ZNF254: variants seen among roughly 807,000 people sequenced by gnomAD.
ZNF254 encodes the protein zinc finger protein 254, also known as CTD-2017D11.1.
A neutral mutation model predicts 12.4 loss-of-function variants in ZNF254; 10 were observed. The ratio of observed to expected loss-of-function variants is 0.80; its 90% confidence interval spans 0.50 to 1.36. The LOEUF (loss-of-function observed/expected upper bound fraction) is 1.36. Ranked by LOEUF, ZNF254 falls within the 40% of genes most tolerant of loss-of-function variation. ZNF254 has a pLI of 0.00. For synonymous variants in ZNF254, 305 were observed against 253.4 expected (o/e 1.20, Z -1.93); for missense variants, 996 against 763.9 (o/e 1.30, Z -3.58).
intron 2 of ZNF254, among the ~76,000 whole-genome samples, chr19:24,063,553 A>G (rs552245869): frequency 8.5e-5 from 13 of 152,298 alleles, no homozygotes; most frequent in Middle Eastern, 3.4e-3. Context: ...TCCAACGACC[A>G]GGTGATGTAA....
chr19:24,068,305 CTT>C (rs932190326), intron 2 of ZNF254, among the ~76,000 whole-genome samples: 8 of 143,464 alleles, frequency 5.6e-5, no homozygotes, highest in Non-Finnish European at 9.2e-5. Context: ...CCTATCTAGC[CTT>C]TTTTTTTTTT....
intron 2 of ZNF254, among the ~76,000 whole-genome samples, chr19:24,056,789 T>G (rs1038953485): frequency 6.6e-6 from 1 of 152,326 alleles, no homozygotes; most frequent in East Asian, 1.9e-4. Context: ...GTGATGTGAC[T>G]GTACTGTCTG....
At chr19:24,060,029 G>A (rs1487826515) in intron 2 of ZNF254, among the ~76,000 whole-genome samples, 1 of 152,170 alleles carries the variant, frequency 6.6e-6, no homozygotes, top group South Asian at 2.1e-4. Flanking sequence ...ATTAGAAAAT[G>A]TTTCTCTCCT....
chr19:24,091,315 G>GAA (rs56971141), intron 1 of ZNF254, among the ~76,000 whole-genome samples: 180 of 128,746 alleles, frequency 1.4e-3, no homozygotes, highest in East Asian at 5.7e-3. Flanking sequence ...AAAAAATAAA[G>GAA]AAAAAAAAAA....
chr19:24,085,426 A>AC (rs369443689), upstream of ZNF254, among the ~76,000 whole-genome samples: 1 of 105,668 alleles, frequency 9.5e-6, no homozygotes, highest in Non-Finnish European at 1.9e-5. Context: ...ATATATATAT[A>AC]AAAACTAAGA....
At chr19:24,085,940 C>T (rs138598183), upstream of ZNF254, among the ~76,000 whole-genome samples, 1 of 152,094 alleles carries the variant, frequency 6.6e-6, no homozygotes. Context: ...GGCACGATGG[C>T]TCACGCCTGT....
chr19:24,045,029 A>G (rs1970326223), intron 1 of ZNF254, among the ~76,000 whole-genome samples: 1 of 152,118 alleles, frequency 6.6e-6, no homozygotes, highest in South Asian at 2.1e-4. Context: ...TTTTAACCTG[A>G]TTGTCTCTCT....
chr19:24,113,440 G>C (rs1973829924), intron 3 of ZNF254, among the ~76,000 whole-genome samples: 1 of 152,102 alleles, frequency 6.6e-6, no homozygotes, highest in Non-Finnish European at 1.5e-5. Flanking sequence ...AAAACCACAT[G>C]ATTATATAAT....
intron 2 of ZNF254, among the ~76,000 whole-genome samples, chr19:24,060,855 G>A (rs535757782): frequency 6.6e-6 from 1 of 152,198 alleles, no homozygotes; most frequent in South Asian, 2.1e-4. Flanking sequence ...GTGTCATATA[G>A]CTTTACTCAG....
At chr19:24,051,004 G>A (rs1392280677) in intron 2 of ZNF254, among the ~76,000 whole-genome samples, 1 of 151,354 alleles carries the variant, frequency 6.6e-6, no homozygotes, top group African/African-American at 2.4e-5. Context: ...ACCTAGCTTC[G>A]ATATGACTGT....
intron 1 of ZNF254, among the ~76,000 whole-genome samples, chr19:24,089,080 G>T (rs980204216): frequency 6.9e-6 from 1 of 145,362 alleles, no homozygotes; most frequent in Non-Finnish European, 1.5e-5. Context: ...AGGTTTAAGC[G>T]ATTCTCCTGC....
chr19:24,105,045 T>A (rs1259295776), intron 1 of ZNF254: 2 of 152,254 alleles, frequency 1.3e-5, no homozygotes, highest in Non-Finnish European at 2.9e-5. Flanking sequence ...ATTCAGACTG[T>A]AATTTAGTGG....
chr19:24,127,253 C>T lies in ZNF254; in HGVS notation c.1253C>T (p.Ser418Phe). 7 of 1,613,090 alleles carry T rather than the reference C, an allele frequency of 4.3e-6. No individual in the cohort carries two copies. The highest frequency in any genetic ancestry group is 5.9e-6 in the Non-Finnish European group (7 of 1,179,638). The part of the protein sequence containing the change: ...CEECGKGFNR[S>F]SNLTTHKIIH... ...GAATGCGGCAAAGGTTTTAATCGATCTTCAAATCTTACTACACATAAGATA... is the reference window on the plus strand; with the variant it reads ...GAATGCGGCAAAGGTTTTAATCGATTTTCAAATCTTACTACACATAAGATA... Residue 418 changes from serine to phenylalanine, a missense_variant, in exon 4 of 4, where the codon TCT becomes TTT. Physicochemically the swap from Ser to Phe is radical, Grantham distance 155. Transcript: ENST00000357002.
rs1034532842 is a variant in ZNF254 at position 24,087,197 on chromosome 19, C to T, written c.-111C>T. Reference sequence around the variant, plus strand: ...CCGGGATATGGCGGGGCCTTTGTCTCTCGCTGTCGCCGGAGTCCCAGGTCT... The same window carrying T: ...CCGGGATATGGCGGGGCCTTTGTCTTTCGCTGTCGCCGGAGTCCCAGGTCT... On this transcript the variant is annotated 5_prime_UTR_variant, in exon 1 of 4. Transcript: ENST00000357002. 7.6e-6 allele frequency: 11 copies of T among 1,454,526 alleles called. No individual in the cohort carries two copies. In the Admixed American group the frequency reaches 2.0e-4, roughly 27 times the overall value. The allele number at this position is 1,454,526 out of a possible 1,614,324, so 90.1% of individuals were successfully genotyped here.
chr19:24,091,315 GAAAA>G (rs56971141), intron 1 of ZNF254, among the ~76,000 whole-genome samples: 1 of 128,690 alleles, frequency 7.8e-6, no homozygotes, highest in Non-Finnish European at 1.7e-5. Context: ...AAAAAATAAA[GAAAA>G]AAAAAAAAAA....
intron 2 of ZNF254, among the ~76,000 whole-genome samples, chr19:24,049,208 ATATATATTTTTT>A (rs1477434859): frequency 4.2e-5 from 2 of 47,552 alleles, no homozygotes; most frequent in South Asian, 6.3e-4. Context: ...ATATATATAT[ATATATATTTTTT>A]TTTTTTTTTT....
At chr19:24,056,006 C>T (rs1970839329) in intron 2 of ZNF254, among the ~76,000 whole-genome samples, 3 of 152,142 alleles carry the variant, frequency 2.0e-5, no homozygotes, top group Admixed American at 2.0e-4. Context: ...GACTCTCTTG[C>T]CTAAGACCAG....
At chr19:24,061,482 C>T (rs531286049) in intron 2 of ZNF254, among the ~76,000 whole-genome samples, 1 of 152,342 alleles carries the variant, frequency 6.6e-6, no homozygotes, top group South Asian at 2.1e-4. Context: ...TTGTAACACA[C>T]TGCAGGGCCC....
intron 2 of ZNF254, among the ~76,000 whole-genome samples, chr19:24,078,062 G>A (rs1568441861): frequency 1.3e-5 from 2 of 152,176 alleles, no homozygotes; most frequent in Admixed American, 6.5e-5. Context: ...GTTTTGAGAC[G>A]AAGTCTCACT....
Sources: gnomAD v4.1 joint callset for allele counts (sites outside exome capture counted in the v4.1 genomes callset) on GRCh38, gnomAD v4.1.1 for gene constraint, MANE v1.5 for transcripts, NCBI Gene and HGNC (gene_info 2026-07-23, HGNC 2026-07-21) for gene names.